The following SLC12A1 variants were observed in gnomAD, a reference collection of about 807,000 sequenced individuals.
SLC12A1 encodes the protein solute carrier family 12 member 1.
SLC12A1 carries 89 observed loss-of-function variants against 130.4 expected under a neutral mutation model. That is an observed-to-expected ratio of 0.68 (90% confidence interval 0.58 to 0.81). The LOEUF (loss-of-function observed/expected upper bound fraction) is 0.81, where lower values mean the gene tolerates loss of function less well. SLC12A1 is among the 40% of genes least tolerant of loss of function. The pLI is 0.00. For missense variants in SLC12A1, 1,310 were observed against 1,336.4 expected (o/e 0.98, Z 0.31); for synonymous variants, 499 against 460.0 (o/e 1.08, Z -1.09).
At chr15:48,270,468 G>C (rs765723787) in intron 19 of SLC12A1, among the ~76,000 whole-genome samples, 1 of 151,322 alleles carries the variant, frequency 6.6e-6, no homozygotes, top group Non-Finnish European at 1.5e-5. Flanking sequence ...AAATTAAGTA[G>C]CATGCTGAAA....
chr15:48,259,039 A>C (rs2041740540), intron 16 of SLC12A1, among the ~76,000 whole-genome samples, 161 bp from the exon 17 acceptor site: 1 of 152,264 alleles, frequency 6.6e-6, no homozygotes, highest in Admixed American at 6.5e-5. Context: ...ATGTCAAGAC[A>C]GGCAGGATGA....
intron 9 of SLC12A1, chr15:48,237,482 T>C (rs1359256877): frequency 3.3e-5 from 5 of 152,338 alleles, no homozygotes; most frequent in Non-Finnish European, 5.9e-5. Flanking sequence ...GTTATGTTAG[T>C]GAAGAAGTTT....
rs554972659 is a variant in SLC12A1, at chr15:48,301,509, G to A, written c.3164+127G>A. 3.9e-6 allele frequency: 2 copies of A among 506,968 alleles called. 1 individual carries two copies. The highest frequency in any genetic ancestry group is 6.7e-6 in the Non-Finnish European group (2 of 299,224). 31.4% of individuals were successfully genotyped at this position (506,968 alleles called of 1,614,324 possible). A position where few individuals can be genotyped will look rare whatever the true frequency, so the allele number is the denominator to read the frequency against. On this transcript the variant is annotated intron_variant, in intron 26 of 26. Transcript: ENST00000380993. ...TTGTTTTTGTGTTTTTTTTGGGGGG[G>A]GGAACACGTGGGATTCTTAGACAGT...
intron 8 of SLC12A1, 79 bp from the exon 9 acceptor site, chr15:48,234,798 T>A: frequency 7.3e-7 from 1 of 1,366,532 alleles, no homozygotes; most frequent in Non-Finnish European, 1.0e-6. Context: ...CATTTAGGAC[T>A]AGGGAAGCCA....
chr15:48,272,438 G>GTTTGTTTT (rs1451792546), intron 19 of SLC12A1, among the ~76,000 whole-genome samples: 1 of 151,740 alleles, frequency 6.6e-6, no homozygotes, highest in South Asian at 2.1e-4. Context: ...TTGTTTGTTT[G>GTTTGTTTT]TTTTTTAAGA....
At chr15:48,250,134 T>C (rs1249387584) in intron 14 of SLC12A1, among the ~76,000 whole-genome samples, 1 of 152,198 alleles carries the variant, frequency 6.6e-6, no homozygotes, top group Non-Finnish European at 1.5e-5. Flanking sequence ...TTGATGCTGG[T>C]GGCATCAGTG....
chr15:48,224,834 G>A (rs560106847), intron 4 of SLC12A1: 2 of 152,206 alleles, frequency 1.3e-5, no homozygotes, highest in East Asian at 3.9e-4. Context: ...GTAGACTCCT[G>A]GCTATGTGTT....
chr15:48,211,586 T>C (rs2041052778), intron 2 of SLC12A1, among the ~76,000 whole-genome samples: 1 of 152,206 alleles, frequency 6.6e-6, no homozygotes, highest in Non-Finnish European at 1.5e-5. Context: ...AAGTAGAAGG[T>C]AATTGACACA....
At chr15:48,266,086 C>T (rs911374391) in intron 17 of SLC12A1, among the ~76,000 whole-genome samples, 15 of 152,204 alleles carry the variant, frequency 9.9e-5, no homozygotes, top group African/African-American at 3.6e-4. Flanking sequence ...TCAATAGCAG[C>T]ATGGACATAC....
intron 9 of SLC12A1, among the ~76,000 whole-genome samples, chr15:48,241,218 G>A (rs1338894233): frequency 2.0e-5 from 3 of 152,168 alleles, no homozygotes; most frequent in Non-Finnish European, 4.4e-5. Flanking sequence ...TAAAGAGAAG[G>A]ATGAGGCCTT....
chr15:48,266,086 C>A (rs911374391), intron 17 of SLC12A1, among the ~76,000 whole-genome samples: 2 of 152,322 alleles, frequency 1.3e-5, no homozygotes, highest in South Asian at 4.1e-4. Context: ...TCAATAGCAG[C>A]ATGGACATAC....
chr15:48,301,760 G>A (rs1190099998), intron 26 of SLC12A1, among the ~76,000 whole-genome samples: 1 of 152,110 alleles, frequency 6.6e-6, no homozygotes, highest in East Asian at 1.9e-4. Flanking sequence ...GAGCCACTGT[G>A]CCCATGGCAG....
chr15:48,227,050 C>T, intron 5 of SLC12A1: 2 of 1,500,888 alleles, frequency 1.3e-6, no homozygotes, highest in Non-Finnish European at 1.8e-6. Flanking sequence ...AGTACTGGAA[C>T]CAAACACCTT....
At chr15:48,283,433 AG>A (rs2042027701) in intron 20 of SLC12A1, among the ~76,000 whole-genome samples, 1 of 152,216 alleles carries the variant, frequency 6.6e-6, no homozygotes, top group South Asian at 2.1e-4. Flanking sequence ...CTTCTGTCTC[AG>A]CTTTAATACC....
rs1183908461 is a variant in SLC12A1 at position 48,260,377 on chromosome 15, CA to C, written c.2154+1067del. 1.0e-2 allele frequency among the ~76,000 whole-genome samples: 1,507 copies of C among 151,328 alleles called. 28 individuals carry two copies. Among genetic ancestry groups the C allele is most frequent in the African/African-American group, 0.035 (1,444 of 41,012 alleles). On this transcript the variant is annotated intron_variant, in intron 17 of 26. Transcript: ENST00000380993. The stretch of plus-strand genomic sequence containing the variant: ...ACACACACACACACACACACACACA[CA>C]CACACCACTGAAAATTCTCAGCTAT...
intron 15 of SLC12A1, among the ~76,000 whole-genome samples, chr15:48,255,309 G>A (rs945280647): frequency 6.6e-6 from 1 of 151,948 alleles, no homozygotes; most frequent in African/African-American, 2.4e-5. Context: ...ATGTTGGCGG[G>A]TGCCTGTAGT....
intron 17 of SLC12A1, among the ~76,000 whole-genome samples, chr15:48,260,644 G>A (rs1261192034): frequency 2.0e-5 from 3 of 152,154 alleles, no homozygotes; most frequent in Admixed American, 2.0e-4. Context: ...ACACAAGTGT[G>A]CTAAGTGTCA....
chr15:48,212,039 A>G (rs746984201), intron 2 of SLC12A1, among the ~76,000 whole-genome samples: 4 of 152,176 alleles, frequency 2.6e-5, no homozygotes, highest in Admixed American at 6.5e-5. Flanking sequence ...TATGAACTAC[A>G]TAACTTCTAC....
Position 48,206,334 on chromosome 15 carries a change from A to C in SLC12A1, c.-187+4A>C, listed in dbSNP as rs2040983420. On this transcript the variant is annotated splice_donor_region_variant and intron_variant, in intron 1 of 26. Transcript: ENST00000380993. Reference sequence around the variant, plus strand: ...CTCAGAAGAAGGCTCCTTGGTGGTAAGTTGAACATTTCTGGGCAGGGTAAA... The same window carrying C: ...CTCAGAAGAAGGCTCCTTGGTGGTACGTTGAACATTTCTGGGCAGGGTAAA... 1 of 152,234 alleles carries C rather than the reference A, an allele frequency of 6.6e-6. No homozygotes were observed. Among genetic ancestry groups the C allele is most frequent in the Admixed American group, 6.5e-5 (1 of 15,284 alleles). 9.4% of individuals were successfully genotyped at this position (152,234 alleles called of 1,614,324 possible). A position where few individuals can be genotyped will look rare whatever the true frequency, so the allele number is the denominator to read the frequency against.
Sources: allele counts gnomAD v4.1 joint callset (sites outside exome capture counted in the v4.1 genomes callset), GRCh38; gene constraint gnomAD v4.1.1; transcripts MANE v1.5; gene names NCBI Gene and HGNC (gene_info 2026-07-23, HGNC 2026-07-21).